STX8: variants seen among roughly 807,000 people sequenced by gnomAD.
The protein encoded by STX8 is syntaxin 8.
Under a neutral mutation model 37.5 loss-of-function variants are expected in STX8, and 23 were observed. That is an observed-to-expected ratio of 0.61 (90% CI 0.44 to 0.87). The LOEUF is 0.87. Among genes scored for constraint, STX8 ranks in the 40% least tolerant of loss-of-function variants. STX8 has a pLI of 0.00. For missense variants in STX8, 313 were observed against 284.7 expected, an observed-to-expected ratio of 1.10 and a Z score of -0.71; for synonymous variants, 115 against 99.1, an observed-to-expected ratio of 1.16 and a Z score of -0.95.
intron 7 of STX8, among the ~76,000 whole-genome samples, chr17:9,288,606 G>A (rs996732470): frequency 5.9e-5 from 9 of 152,070 alleles, no homozygotes; most frequent in African/African-American, 2.2e-4. Context: ...AGCTTGCAGT[G>A]AGCCGAGATC....
At chr17:9,323,791 T>C (rs1909655297) in intron 7 of STX8, among the ~76,000 whole-genome samples, 1 of 151,772 alleles carries the variant, frequency 6.6e-6, no homozygotes, top group Non-Finnish European at 1.5e-5. Flanking sequence ...TTAGCAGGAG[T>C]TGGCAGAGTC....
chr17:9,519,545 A>G (rs1161367719), intron 4 of STX8, among the ~76,000 whole-genome samples: 1 of 151,982 alleles, frequency 6.6e-6, no homozygotes, highest in African/African-American at 2.4e-5. Flanking sequence ...GTCCCCAGTT[A>G]CCCTCATTCA....
chr17:9,320,332 C>CAA (rs1167812989), intron 7 of STX8, among the ~76,000 whole-genome samples: 8 of 83,236 alleles, frequency 9.6e-5, no homozygotes, highest in African/African-American at 2.3e-4. Flanking sequence ...GACTCCATCT[C>CAA]AAAAAAAAAA....
At chr17:9,414,285 G>A (rs1407497733) in intron 6 of STX8, among the ~76,000 whole-genome samples, 2 of 151,338 alleles carry the variant, frequency 1.3e-5, no homozygotes, top group Non-Finnish European at 2.9e-5. Flanking sequence ...GGAAAGGGCT[G>A]GAACACTGCT....
intron 6 of STX8, among the ~76,000 whole-genome samples, chr17:9,422,452 T>C (rs1324055239): frequency 6.6e-6 from 1 of 152,190 alleles, no homozygotes; most frequent in Non-Finnish European, 1.5e-5. Context: ...AACGGACTAA[T>C]ACACCCCTCT....
At chr17:9,563,325 G>A (rs1254116020) in intron 2 of STX8, among the ~76,000 whole-genome samples, 4 of 151,914 alleles carry the variant, frequency 2.6e-5, no homozygotes, top group Non-Finnish European at 5.9e-5. Flanking sequence ...TGGGATTACA[G>A]GTGCTCGCCA....
At chr17:9,373,996 T>G (rs1040121308) in intron 7 of STX8, among the ~76,000 whole-genome samples, 1 of 151,360 alleles carries the variant, frequency 6.6e-6, no homozygotes, top group Non-Finnish European at 1.5e-5. Context: ...ACTCTATCTC[T>G]AGAATTTCTT....
chr17:9,427,640 G>A (rs773711046), intron 6 of STX8, among the ~76,000 whole-genome samples: 1 of 152,018 alleles, frequency 6.6e-6, no homozygotes, highest in Non-Finnish European at 1.5e-5. Context: ...CGGCTGCCTC[G>A]AGGGATATTA....
chr17:9,313,352 A>T (rs779903008), intron 7 of STX8, among the ~76,000 whole-genome samples: 1 of 152,160 alleles, frequency 6.6e-6, no homozygotes, highest in Non-Finnish European at 1.5e-5. Flanking sequence ...AGGGCTTTTT[A>T]AAAAAGGGAA....
chr17:9,430,096 A>T (rs1408726555), intron 6 of STX8, among the ~76,000 whole-genome samples: 5 of 54,160 alleles, frequency 9.2e-5, no homozygotes, highest in South Asian at 5.5e-4. Context: ...ATTCTATATA[A>T]TATATATATT....
At chr17:9,384,826 A>T (rs1911936503) in intron 6 of STX8, among the ~76,000 whole-genome samples, 1 of 101,836 alleles carries the variant, frequency 9.8e-6, no homozygotes, top group African/African-American at 4.5e-5. Flanking sequence ...GTGTACATGC[A>T]CACACGCACG....
At chr17:9,562,208 C>T (rs1252714457) in intron 2 of STX8, among the ~76,000 whole-genome samples, 1 of 151,576 alleles carries the variant, frequency 6.6e-6, no homozygotes, top group Non-Finnish European at 1.5e-5. Flanking sequence ...TCGAGATCAT[C>T]CTGGCTAATA....
intron 7 of STX8, among the ~76,000 whole-genome samples, chr17:9,314,241 T>G (rs1485732444): frequency 6.6e-6 from 1 of 152,224 alleles, no homozygotes; most frequent in African/African-American, 2.4e-5. Context: ...CCGTGAGGAA[T>G]AGAATTGCCA....
At chr17:9,485,550 A>G (rs1334880406) in intron 6 of STX8, among the ~76,000 whole-genome samples, 1 of 151,878 alleles carries the variant, frequency 6.6e-6, no homozygotes, top group Admixed American at 6.6e-5. Context: ...AACTTAGAGG[A>G]TTGATCCAGG....
chr17:9,406,651 T>C (rs1213863686), intron 6 of STX8, among the ~76,000 whole-genome samples: 1 of 152,236 alleles, frequency 6.6e-6, no homozygotes, highest in Non-Finnish European at 1.5e-5. Flanking sequence ...GTATATTTTA[T>C]AGTAGCAAAT....
At chr17:9,541,536 TAAC>T (rs1019192489) in intron 4 of STX8, among the ~76,000 whole-genome samples, 4 of 152,306 alleles carry the variant, frequency 2.6e-5, no homozygotes, top group Non-Finnish European at 5.9e-5. Flanking sequence ...CATCTGGTCC[TAAC>T]AACAACGAAA....
intron 6 of STX8, among the ~76,000 whole-genome samples, chr17:9,473,477 T>C (rs1021037530): frequency 2.6e-5 from 4 of 152,148 alleles, no homozygotes; most frequent in Admixed American, 6.6e-5. Context: ...GTCCCATATA[T>C]AAAATGGTGT....
At chr17:9,324,149 CACACACAA>C (rs1426623320) in intron 7 of STX8, among the ~76,000 whole-genome samples, 19 of 151,306 alleles carry the variant, frequency 1.3e-4, no homozygotes, top group South Asian at 4.2e-4. Flanking sequence ...CACACACACA[CACACACAA>C]ACACAAACAC....
At chr17:9,563,196 TATTG>T (rs1403579267) in intron 2 of STX8, among the ~76,000 whole-genome samples, 1 of 125,628 alleles carries the variant, frequency 8.0e-6, no homozygotes, top group Non-Finnish European at 1.8e-5. Context: ...TTTATTTATT[TATTG>T]AGACAGAGTT....
Sources: allele counts gnomAD v4.1 joint callset (sites outside exome capture counted in the v4.1 genomes callset), GRCh38; gene constraint gnomAD v4.1.1; transcripts MANE v1.5; gene names NCBI Gene and HGNC (gene_info 2026-07-23, HGNC 2026-07-21).